UBR3: variants seen among roughly 807,000 people sequenced by gnomAD.
The protein encoded by UBR3 is ubiquitin protein ligase E3 component n-recognin 3.
UBR3 carries 85 observed loss-of-function variants against 243.2 expected under a neutral mutation model. The observed-to-expected ratio is 0.35, with a 90% CI of 0.29 to 0.42. UBR3 has a LOEUF of 0.42. Ranked by LOEUF, UBR3 falls within the 10% of genes least tolerant of loss-of-function variation. The pLI, the probability that UBR3 is intolerant of heterozygous loss-of-function variation, is 1.00. For synonymous variants in UBR3, 748 were observed against 799.8 expected (o/e 0.94, Z 1.09); for missense variants, 1,686 against 2,300.8 (o/e 0.73, Z 5.47).
intron 23 of UBR3, 30 bp downstream of exon 23, chr2:169,950,095 G>A (rs1397439118): frequency 6.6e-7 from 1 of 1,505,406 alleles, no homozygotes; most frequent in South Asian, 1.4e-5. Flanking sequence ...TTTTAAACGT[G>A]TGTATAGTTG....
At chr2:169,964,778 A>G in intron 24 of UBR3, 1 of 435,112 alleles carries the variant, frequency 2.3e-6, no homozygotes, top group Admixed American at 2.5e-5. Flanking sequence ...ATAAGTGCAA[A>G]GTTATTGACT....
intron 30 of UBR3, chr2:170,016,778 A>C: frequency 2.9e-6 from 1 of 341,018 alleles, no homozygotes; most frequent in Non-Finnish European, 4.6e-6. Context: ...AGTGGTAATC[A>C]CTTTAATTAC....
intron 1 of UBR3, among the ~76,000 whole-genome samples, chr2:169,835,560 C>T (rs539423756): frequency 6.6e-6 from 1 of 152,068 alleles, no homozygotes; most frequent in Admixed American, 6.6e-5. Context: ...CCTGTCTCAG[C>T]CTCCCTAGTA....
At chr2:169,854,210 T>C (rs994651805) in intron 1 of UBR3, among the ~76,000 whole-genome samples, 15 of 152,264 alleles carry the variant, frequency 9.9e-5, no homozygotes, top group African/African-American at 3.6e-4. Flanking sequence ...AAATGTTATC[T>C]ATGTATTATA....
chr2:169,871,424 A>AC (rs1324694595), intron 1 of UBR3, among the ~76,000 whole-genome samples: 1 of 151,852 alleles, frequency 6.6e-6, no homozygotes, highest in East Asian at 1.9e-4. Flanking sequence ...GGAAAAAAAA[A>AC]AAAAAACAGT....
intron 36 of UBR3, among the ~76,000 whole-genome samples, chr2:170,075,953 G>A (rs2091799703): frequency 6.6e-6 from 1 of 151,064 alleles, no homozygotes; most frequent in African/African-American, 2.4e-5. Context: ...AGCATACTTG[G>A]TAACCTGCAG....
intron 33 of UBR3, among the ~76,000 whole-genome samples, chr2:170,056,367 T>C (rs2105443485): frequency 6.6e-6 from 1 of 152,304 alleles, no homozygotes; most frequent in East Asian, 1.9e-4. Flanking sequence ...TTAGAATATG[T>C]ACAAGTTCTT....
Position 169,836,039 on chromosome 2 carries a change from CTCTCTATATA to C in UBR3, c.545+7989_545+7998del, listed in dbSNP as rs1460991717. The stretch of plus-strand genomic sequence containing the variant: ...TCTCTCTCTCTCTCTCTCTCTCTCT[CTCTCTATATA>C]TATATATATATATATATATTTTTTT... On this transcript the variant is annotated intron_variant, in intron 1 of 38. Coordinates refer to ENST00000272793, the MANE Select transcript of UBR3 (RefSeq NM_172070.4). Among the ~76,000 whole-genome samples, 5 of 9,952 alleles carry C rather than the reference CTCTCTATATA, an allele frequency of 5.0e-4. 1 individual carries two copies. The highest frequency in any genetic ancestry group is 4.5e-3 in the Admixed American group (2 of 440). The allele number at this position is 9,952 out of a possible 152,430, so 6.5% of individuals were successfully genotyped here. A position where few individuals can be genotyped will look rare whatever the true frequency, so the allele number is the denominator to read the frequency against.
intron 24 of UBR3, among the ~76,000 whole-genome samples, chr2:169,984,839 T>A (rs1203578542): frequency 6.6e-6 from 1 of 152,206 alleles, no homozygotes; most frequent in Non-Finnish European, 1.5e-5. Flanking sequence ...AAAAGTACTC[T>A]GCATGAAAAT....
chr2:169,833,447 T>C (rs1027016034), intron 1 of UBR3, among the ~76,000 whole-genome samples: 2 of 152,218 alleles, frequency 1.3e-5, no homozygotes, highest in East Asian at 3.9e-4. Context: ...GGCCAGCACC[T>C]ACTAAGTCTC....
intron 1 of UBR3, among the ~76,000 whole-genome samples, chr2:169,863,024 T>C (rs1277541730): frequency 1.3e-5 from 2 of 152,246 alleles, no homozygotes; most frequent in Non-Finnish European, 2.9e-5. Flanking sequence ...GGCTTACTTG[T>C]AGGGGAGCTT....
At chr2:169,876,682 C>T (rs141445452) in intron 3 of UBR3, among the ~76,000 whole-genome samples, 3,389 of 152,092 alleles carry the variant, frequency 0.022, 114 homozygotes, top group African/African-American at 0.076. Flanking sequence ...CTCAGCCTCC[C>T]GAGTAGCTGG....
At chr2:170,080,501 C>T (rs2091888703) in intron 37 of UBR3, 44 bp from the exon 38 acceptor site, 1 of 1,506,024 alleles carries the variant, frequency 6.6e-7, no homozygotes, top group African/African-American at 1.4e-5. Context: ...TATTATAAAG[C>T]CTATTTGATT....
intron 5 of UBR3, among the ~76,000 whole-genome samples, chr2:169,888,434 T>G (rs2084199379): frequency 6.6e-6 from 1 of 152,104 alleles, no homozygotes; most frequent in African/African-American, 2.4e-5. Flanking sequence ...CCACCGCGCC[T>G]CGTCCTGTAT....
rs79761049 is a variant in UBR3, at chr2:169,840,418, C to T, written c.545+12366C>T. On this transcript the variant is annotated intron_variant, in intron 1 of 38. Coordinates refer to ENST00000272793, the MANE Select transcript of UBR3 (RefSeq NM_172070.4). ...TCGGTGCTCCTGCTCTGACACAAGGCTCCTCCGGGTGGCTCCACCCCTGTA... is the reference window on the plus strand; with the variant it reads ...TCGGTGCTCCTGCTCTGACACAAGGTTCCTCCGGGTGGCTCCACCCCTGTA... 8.5e-3 allele frequency among the ~76,000 whole-genome samples: 1,289 copies of T among 152,344 alleles called. 23 individuals carry two copies. Among genetic ancestry groups the T allele is most frequent in the African/African-American group, 0.029 (1,203 of 41,570 alleles).
chr2:169,955,792 T>TAAAAAAAAAAA (rs1559131098), intron 23 of UBR3, among the ~76,000 whole-genome samples: 2 of 2,114 alleles, frequency 9.5e-4, no homozygotes, highest in Admixed American at 4.9e-3. Context: ...AGACTCCATC[T>TAAAAAAAAAAA]CAAAAAAAAA....
At chr2:169,990,404 A>G (rs750833342) in intron 25 of UBR3, among the ~76,000 whole-genome samples, 17 of 152,114 alleles carry the variant, frequency 1.1e-4, no homozygotes, top group Non-Finnish European at 2.1e-4. Context: ...AAACCCTACA[A>G]TCTTTGCAAA....
intron 1 of UBR3, among the ~76,000 whole-genome samples, chr2:169,838,054 G>A (rs1300436472): frequency 6.6e-6 from 1 of 152,146 alleles, no homozygotes; most frequent in Non-Finnish European, 1.5e-5. Flanking sequence ...GTTTTTGGCT[G>A]TTCTTGGTTC....
At chr2:170,032,669 T>C (rs2090710626) in intron 31 of UBR3, among the ~76,000 whole-genome samples, 1 of 149,086 alleles carries the variant, frequency 6.7e-6, no homozygotes, top group Non-Finnish European at 1.5e-5. Flanking sequence ...CAGTATTTCC[T>C]AGTGATTAGA....
Sources: gnomAD v4.1 joint callset for allele counts (sites outside exome capture counted in the v4.1 genomes callset) on GRCh38, gnomAD v4.1.1 for gene constraint, MANE v1.5 for transcripts, NCBI Gene and HGNC (gene_info 2026-07-23, HGNC 2026-07-21) for gene names.